The following TMEM254 variants were observed in gnomAD, a reference collection of about 807,000 sequenced individuals.
The protein encoded by TMEM254 is transmembrane protein 254.
Under a neutral mutation model 13.9 loss-of-function variants are expected in TMEM254, and 16 were observed. That is an observed-to-expected ratio of 1.15 (90% confidence interval 0.78 to 1.75). The LOEUF is 1.75. Ranked by LOEUF, TMEM254 falls within the 40% of genes most tolerant of loss-of-function variation. The pLI is 0.00. For missense variants in TMEM254, 155 were observed against 149.0 expected, an observed-to-expected ratio of 1.04 and a Z score of -0.21; for synonymous variants, 61 against 56.4, an observed-to-expected ratio of 1.08 and a Z score of -0.36.
chr10:80,079,100 G>A (rs1219594218), intron 1 of TMEM254: 1 of 1,391,418 alleles, frequency 7.2e-7, no homozygotes, highest in East Asian at 3.8e-5. Flanking sequence ...TGAAGTCGGA[G>A]GCCAGCAATG....
intron 3 of TMEM254, chr10:80,090,356 G>C (rs1215992686): frequency 1.4e-6 from 1 of 717,366 alleles, no homozygotes; most frequent in South Asian, 1.5e-5. Flanking sequence ...CAGTGAGATA[G>C]CTACTGCTGT....
chr10:80,087,063 A>G (rs564565780), intron 3 of TMEM254, among the ~76,000 whole-genome samples: 1 of 152,110 alleles, frequency 6.6e-6, no homozygotes, highest in East Asian at 1.9e-4. Context: ...CAGCCTCCCA[A>G]GTAACTGGGA....
intron 3 of TMEM254, among the ~76,000 whole-genome samples, chr10:80,089,864 G>T (rs1428198855): frequency 1.3e-4 from 20 of 151,786 alleles, no homozygotes; most frequent in Admixed American, 1.3e-3. Context: ...AATTAGCCAG[G>T]CGTGGTGGCG....
chr10:80,081,905 A>G lies in TMEM254; in HGVS notation c.152A>G (p.Gln51Arg). The change falls in exon 2 of 4, where the codon CAG (glutamine) becomes CGG (arginine). Residue 51 changes from glutamine to arginine, a missense_variant. Gln to Arg is a conservative substitution (Grantham distance 43). Transcript: ENST00000372281. ...CTTGGGCCCCTGGGCCCCTTCACTC[A>G]GTACTTGGTGGACCACCATCACACC... ...QNLGPLGPFT[Q>R]YLVDHHHTLL... is the part of the protein sequence containing the mutation. 1 of 1,614,188 alleles carries G rather than the reference A, an allele frequency of 6.2e-7. No individual in the cohort carries two copies. The highest frequency in any genetic ancestry group is 8.5e-7 in the Non-Finnish European group (1 of 1,180,038).
chr10:80,090,285 T>C (rs991232725), intron 3 of TMEM254: 2 of 685,120 alleles, frequency 2.9e-6, no homozygotes, highest in African/African-American at 3.6e-5. Flanking sequence ...ATCATGACTG[T>C]GTGCCAGGCT....
intron 3 of TMEM254, among the ~76,000 whole-genome samples, chr10:80,088,924 T>C (rs2132301323): frequency 6.6e-6 from 1 of 152,000 alleles, no homozygotes; most frequent in Middle Eastern, 3.4e-3. Flanking sequence ...TTTGTTTTTG[T>C]TTTTTGAGAT....
At chr10:80,086,047 C>T (rs79313401) in intron 3 of TMEM254, among the ~76,000 whole-genome samples, 5 of 151,802 alleles carry the variant, frequency 3.3e-5, no homozygotes, top group Admixed American at 6.6e-5. Flanking sequence ...AGGGCAGCCT[C>T]GAATGACCAA....
At chr10:80,079,174 G>A in intron 1 of TMEM254, 1 of 1,300,404 alleles carries the variant, frequency 7.7e-7, no homozygotes, top group Admixed American at 2.3e-5. Context: ...CTGGGGCTGG[G>A]CTACTTCGCG....
At chr10:80,084,254 G>A (rs1844200997) in intron 3 of TMEM254, among the ~76,000 whole-genome samples, 1 of 152,064 alleles carries the variant, frequency 6.6e-6, no homozygotes, top group African/African-American at 2.4e-5. Context: ...CAGTTTCCTT[G>A]ATGGTTCATT....
chr10:80,090,527 C>A, intron 3 of TMEM254: 2 of 699,022 alleles, frequency 2.9e-6, no homozygotes, highest in South Asian at 3.1e-5. Flanking sequence ...TCATCAGAAT[C>A]ACATGAGAAA....
intron 3 of TMEM254, among the ~76,000 whole-genome samples, chr10:80,083,655 G>T (rs751813318): frequency 1.3e-5 from 2 of 152,178 alleles, no homozygotes; most frequent in Non-Finnish European, 2.9e-5. Context: ...TCAGGAGCCT[G>T]CAGTGGGGAG....
At chr10:80,079,397 G>T in intron 1 of TMEM254, 1 of 1,104,916 alleles carries the variant, frequency 9.1e-7, no homozygotes, top group Non-Finnish European at 1.1e-6. Flanking sequence ...TTACTAACGG[G>T]TTATCCGAGC....
rs368705890 is a variant in TMEM254 at position 80,078,677 on chromosome 10, G to T, written c.-23G>T. 5.3e-5 allele frequency: 84 copies of T among 1,578,972 alleles called. No individual in the cohort carries two copies. The highest frequency in any genetic ancestry group is 6.9e-5 in the Non-Finnish European group (80 of 1,165,854). ...CGCGCTCGACGGTGTCCTGAAGCGC[G>T]CTCCCGGGGAGGTGTTGCAGCCATG... On this transcript the variant is annotated 5_prime_UTR_variant, in exon 1 of 4. Transcript: ENST00000372281.
Position 80,092,380 on chromosome 10 carries a change from G to A in TMEM254, c.*1463G>A, listed in dbSNP as rs1481347705. On this transcript the variant is annotated 3_prime_UTR_variant, in exon 4 of 4. Transcript: ENST00000372281. ...TGATTAAGAAGTTCCTTTTTGGTAAGGAAAAGGATTTTTAACCATAGAGTT... is the reference window on the plus strand; with the variant it reads ...TGATTAAGAAGTTCCTTTTTGGTAAAGAAAAGGATTTTTAACCATAGAGTT... The A allele has an allele frequency of 6.6e-6, 1 of 152,114 alleles. No individual in the cohort carries two copies. Among genetic ancestry groups the A allele is most frequent in the East Asian group, 1.9e-4 (1 of 5,194 alleles). 9.4% of individuals were successfully genotyped at this position (152,114 alleles called of 1,614,324 possible).
intron 3 of TMEM254, among the ~76,000 whole-genome samples, chr10:80,087,465 A>G (rs1844369789): frequency 6.6e-6 from 1 of 150,458 alleles, no homozygotes; most frequent in Non-Finnish European, 1.5e-5. Flanking sequence ...CAACATGGTG[A>G]AACCCTGTCT....
intron 3 of TMEM254, among the ~76,000 whole-genome samples, chr10:80,083,410 G>A (rs1324293293): frequency 3.3e-5 from 5 of 152,142 alleles, no homozygotes; most frequent in African/African-American, 4.8e-5. Context: ...CTGGCCACAA[G>A]CTAGACTTTC....
rs948934695 is a variant in TMEM254, at chr10:80,091,174, C to T, written c.*257C>T. ...CCTATTTGGCAGAGGACTTCAGCTA[C>T]CTTCTTACAGTCTTTGGCTGTGTTG... On this transcript the variant is annotated 3_prime_UTR_variant, in exon 4 of 4. Coordinates refer to ENST00000372281, the MANE Select transcript of TMEM254 (RefSeq NM_025125.4). The T allele has an allele frequency of 1.2e-5, 4 of 347,096 alleles. No homozygotes were observed. Among genetic ancestry groups the T allele is most frequent in the African/African-American group, 8.5e-5 (4 of 46,824 alleles). 21.5% of individuals were successfully genotyped at this position (347,096 alleles called of 1,614,324 possible).
chr10:80,079,335 G>A (rs1843839031), intron 1 of TMEM254: 1 of 1,191,244 alleles, frequency 8.4e-7, no homozygotes, highest in South Asian at 1.6e-5. Context: ...GGGCTCTTAG[G>A]ATAGTTTCTG....
In TMEM254 at chr10:80,079,540, G is replaced by A. The variant is rs1843858574; in HGVS notation, c.87+754G>A. ...AAAACGGGGATAAATCTAAAGGATG[G>A]GTAGGATTTAAGTGGTAAGGGAGGA... On this transcript the variant is annotated intron_variant, in intron 1 of 3. Transcript: ENST00000372281. 3.9e-6 allele frequency: 4 copies of A among 1,015,830 alleles called. No homozygotes were observed. The Admixed American group carries it at 2.1e-4, about 53-fold the overall frequency. The allele number at this position is 1,015,830 out of a possible 1,614,324, so 62.9% of individuals were successfully genotyped here.
Sources: allele counts gnomAD v4.1 joint callset (sites outside exome capture counted in the v4.1 genomes callset), GRCh38; gene constraint gnomAD v4.1.1; transcripts MANE v1.5; gene names NCBI Gene and HGNC (gene_info 2026-07-23, HGNC 2026-07-21).